The following CAAP1 variants were observed in gnomAD, a reference collection of about 807,000 sequenced individuals.
The protein encoded by CAAP1 is caspase activity and apoptosis inhibitor 1, also known as conserved anti-apoptotic protein.
A neutral mutation model predicts 34.0 loss-of-function variants in CAAP1; 20 were observed. The ratio of observed to expected loss-of-function variants is 0.59; its 90% confidence interval spans 0.41 to 0.86. CAAP1 has a LOEUF of 0.86. Ranked by LOEUF, CAAP1 falls within the 40% of genes least tolerant of loss-of-function variation. The pLI is 0.00. For missense variants in CAAP1, 538 were observed against 450.5 expected, an observed-to-expected ratio of 1.19 and a Z score of -1.76; for synonymous variants, 213 against 166.7, an observed-to-expected ratio of 1.28 and a Z score of -2.14.
At chr9:26,864,730 T>G (rs1823090611) in intron 4 of CAAP1, among the ~76,000 whole-genome samples, 1 of 152,244 alleles carries the variant, frequency 6.6e-6, no homozygotes, top group African/African-American at 2.4e-5. Flanking sequence ...ATCCCCATAT[T>G]ACTGTTTTAA....
At chr9:26,872,861 T>G (rs1823314766) in intron 4 of CAAP1, among the ~76,000 whole-genome samples, 1 of 151,772 alleles carries the variant, frequency 6.6e-6, no homozygotes, top group Non-Finnish European at 1.5e-5. Context: ...AATATCTTTT[T>G]TAAGTTAATA....
In CAAP1 at chr9:26,887,323, T is replaced by C; in HGVS notation, c.494A>G (p.Asp165Gly). ...GEKKLQKMLP[D>G]VLKNCSIEEI... ...TGTGTAATGAAGTACCTTTAACACA[T>C]CAGGAAGCATCTTCTGTAACTTTTT... Residue 165 changes from aspartate to glycine, a missense_variant, in exon 2 of 6, where the codon GAT (aspartate) becomes GGT (glycine). By Grantham distance (94) the Asp-to-Gly change is moderately conservative. This residue lies in a region of CAAP1 where 514 missense variants were observed against 408.4 expected (regional missense o/e 1.26). Transcript: ENST00000333916. 2 of 1,594,966 alleles carry C rather than the reference T, an allele frequency of 1.3e-6. No individual in the cohort carries two copies. Among genetic ancestry groups the C allele is most frequent in the Non-Finnish European group, 1.7e-6 (2 of 1,168,702 alleles).
At chr9:26,879,966 A>G (rs1049077593) in intron 4 of CAAP1, among the ~76,000 whole-genome samples, 2 of 152,078 alleles carry the variant, frequency 1.3e-5, no homozygotes, top group African/African-American at 4.8e-5. Context: ...TCTCCTTAAT[A>G]AACTCCCTTT....
At chr9:26,868,236 T>C (rs533181762) in intron 4 of CAAP1, among the ~76,000 whole-genome samples, 16 of 152,320 alleles carry the variant, frequency 1.1e-4, no homozygotes, top group East Asian at 3.9e-4. Context: ...TGATTGTGAT[T>C]AAGGATCTTG....
At chr9:26,846,496 A>G (rs1433038132) in intron 5 of CAAP1, among the ~76,000 whole-genome samples, 1 of 151,064 alleles carries the variant, frequency 6.6e-6, no homozygotes, top group Non-Finnish European at 1.5e-5. Context: ...GTCTTTGGCT[A>G]TGATTTTCCT....
At chr9:26,843,384 G>A (rs1287530616) in intron 5 of CAAP1, among the ~76,000 whole-genome samples, 1 of 152,012 alleles carries the variant, frequency 6.6e-6, no homozygotes, top group Non-Finnish European at 1.5e-5. Context: ...TCAATTCCAG[G>A]CATCATTTGC....
chr9:26,845,832 AT>A lies in CAAP1; in HGVS notation c.740-3186del, dbSNP rs778057456. Among the ~76,000 whole-genome samples, 17 of 152,026 alleles carry A rather than the reference AT, an allele frequency of 1.1e-4. 1 individual carries two copies. Among genetic ancestry groups the A allele is most frequent in the South Asian group, 2.1e-4 (1 of 4,832 alleles). ...CAAAAGATTATCTTCTGATCCCTGAATTTTATTTCTTCTTTTGTTTATCTTG... is the reference window on the plus strand; with the variant it reads ...CAAAAGATTATCTTCTGATCCCTGAATTTATTTCTTCTTTTGTTTATCTTG... On this transcript the variant is annotated intron_variant, in intron 5 of 5. Coordinates refer to ENST00000333916, the MANE Select transcript of CAAP1 (RefSeq NM_024828.4).
chr9:26,844,253 A>C (rs769970068), intron 5 of CAAP1, among the ~76,000 whole-genome samples: 50 of 152,160 alleles, frequency 3.3e-4, no homozygotes, highest in Non-Finnish European at 5.7e-4. Context: ...GCTACTCGGG[A>C]GGCTGAGGCA....
intron 4 of CAAP1, among the ~76,000 whole-genome samples, chr9:26,872,931 T>C (rs1823316315): frequency 1.3e-5 from 2 of 152,166 alleles, no homozygotes; most frequent in South Asian, 4.1e-4. Context: ...TAAGAAGCAG[T>C]AGTGGCTAGA....
At position 26,875,126 on chromosome 9, in the gene CAAP1, A is replaced by G. The variant is rs114914869; in HGVS notation, c.665+9684T>C. 4.4e-3 allele frequency among the ~76,000 whole-genome samples: 668 copies of G among 152,266 alleles called. 6 individuals carry two copies. The highest frequency in any genetic ancestry group is 0.015 in the African/African-American group (618 of 41,540). On this transcript the variant is annotated intron_variant, in intron 4 of 5. Transcript: ENST00000333916. Reference sequence around the variant, plus strand: ...GTTATGTCTCTTTCTAATTAAAACTATAATAAAAGACATTTTGGGAGGCCA... The same window carrying G: ...GTTATGTCTCTTTCTAATTAAAACTGTAATAAAAGACATTTTGGGAGGCCA...
At position 26,861,132 on chromosome 9, in the gene CAAP1, T is replaced by C. The variant is rs771976059; in HGVS notation, c.673A>G (p.Ile225Val). Residue 225 changes from isoleucine (I) to valine (V), a missense_variant, in exon 5 of 6, where the codon ATC (isoleucine) becomes GTC (valine). Around this residue, in one of 3 missense-constraint regions of CAAP1, gnomAD observed 514 missense variants for 408.4 expected, o/e 1.26. Transcript: ENST00000333916. The part of the protein sequence containing the change: ...MGSDLVSQQD[I>V]CIDSASSVRE... The stretch of plus-strand genomic sequence containing the variant: ...ACGGATGAAGCAGAATCTATACAGA[T>C]GTCTTGCCTGGGAAATGAAAATAAG... 1.9e-6 allele frequency: 3 copies of C among 1,607,570 alleles called. No individual in the cohort carries two copies. The highest frequency in any genetic ancestry group is 4.5e-5 in the East Asian group (2 of 44,732).
At chr9:26,854,433 C>T (rs1437515764) in intron 5 of CAAP1, among the ~76,000 whole-genome samples, 1 of 152,158 alleles carries the variant, frequency 6.6e-6, no homozygotes, top group Non-Finnish European at 1.5e-5. Context: ...CAGAACTTAA[C>T]AGATTCAAAA....
At chr9:26,892,073 A>G (rs1324135129) in intron 1 of CAAP1, among the ~76,000 whole-genome samples, 1 of 152,120 alleles carries the variant, frequency 6.6e-6, no homozygotes, top group Admixed American at 6.5e-5. Context: ...GGTGAAGACG[A>G]AGGGAGAAGT....
intron 4 of CAAP1, among the ~76,000 whole-genome samples, chr9:26,872,924 G>A (rs1314654661): frequency 6.6e-6 from 1 of 152,154 alleles, no homozygotes; most frequent in Non-Finnish European, 1.5e-5. Context: ...CCTCTACTAA[G>A]AAGCAGTAGT....
chr9:26,847,198 ATT>A (rs1171628621), intron 5 of CAAP1, among the ~76,000 whole-genome samples: 122 of 34,712 alleles, frequency 3.5e-3, no homozygotes, highest in African/African-American at 7.4e-3. Flanking sequence ...AAAAAGCAAT[ATT>A]TTTTTTTTTT....
chr9:26,889,420 AAAAAAC>A (rs1052969150), intron 1 of CAAP1, among the ~76,000 whole-genome samples: 38 of 152,028 alleles, frequency 2.5e-4, no homozygotes, highest in African/African-American at 8.5e-4. Context: ...CTCTATCTCA[AAAAAAC>A]AAAAACAAAA....
rs1013014181 is a variant in CAAP1, at chr9:26,869,916, G to C, written c.666-8777C>G. 5 of 982,192 alleles carry C rather than the reference G, an allele frequency of 5.1e-6. No individual in the cohort carries two copies. The African/African-American group carries it at 5.2e-5, about 10-fold the overall frequency. The allele number at this position is 982,192 out of a possible 1,614,324, so 60.8% of individuals were successfully genotyped here. ...GGTGATAGAGAAAGAGTAGAAAAAA[G>C]GAAAAATACCTGCTAATCATCTAAC... On this transcript the variant is annotated intron_variant, in intron 4 of 5. Transcript: ENST00000333916.
At chr9:26,847,522 T>C in intron 5 of CAAP1, among the ~76,000 whole-genome samples, 1 of 152,030 alleles carries the variant, frequency 6.6e-6, no homozygotes, top group East Asian at 1.9e-4. Flanking sequence ...CCAAAAGCAC[T>C]ATTTTTTTAA....
chr9:26,862,262 A>G (rs1269493920), intron 4 of CAAP1, among the ~76,000 whole-genome samples: 1 of 152,158 alleles, frequency 6.6e-6, no homozygotes, highest in Non-Finnish European at 1.5e-5. Flanking sequence ...CAAGGTTTAA[A>G]GTTAAAATGT....
Sources: gnomAD v4.1 joint callset for allele counts (sites outside exome capture counted in the v4.1 genomes callset) on GRCh38, gnomAD v4.1.1 for gene constraint, gnomAD v4.1.1 regional missense constraint, MANE v1.5 for transcripts, NCBI Gene and HGNC (gene_info 2026-07-23, HGNC 2026-07-21) for gene names.